GRID1: variants seen among roughly 807,000 people sequenced by gnomAD.
GRID1 encodes the protein glutamate ionotropic receptor delta type subunit 1.
In GRID1, 28 loss-of-function variants were observed where a neutral mutation model predicts 98.0. The ratio of observed to expected loss-of-function variants is 0.29; its 90% CI spans 0.21 to 0.39. The LOEUF is 0.39. Among genes scored for constraint, GRID1 ranks in the 10% least tolerant of loss-of-function variants. The pLI is 1.00. For missense variants in GRID1, 1,111 were observed against 1,340.5 expected (o/e 0.83, Z 2.67); for synonymous variants, 553 against 538.5 (o/e 1.03, Z -0.37).
chr10:86,253,859 C>T (rs773593643), intron 2 of GRID1, among the ~76,000 whole-genome samples: 9 of 152,122 alleles, frequency 5.9e-5, no homozygotes, highest in Non-Finnish European at 1.0e-4. Context: ...CACTTGACAC[C>T]GACCCTCACA....
At chr10:86,194,293 C>A (rs1477393729) in intron 3 of GRID1, among the ~76,000 whole-genome samples, 1 of 152,082 alleles carries the variant, frequency 6.6e-6, no homozygotes, top group Non-Finnish European at 1.5e-5. Context: ...CCACCTGAAT[C>A]AAGACATGGA....
intron 4 of GRID1, among the ~76,000 whole-genome samples, chr10:85,960,719 C>G (rs975069651): frequency 6.6e-6 from 1 of 152,204 alleles, no homozygotes; most frequent in African/African-American, 2.4e-5. Flanking sequence ...GGCGAACAAC[C>G]AAATGAATGA....
intron 6 of GRID1, among the ~76,000 whole-genome samples, chr10:85,859,292 G>A (rs1182807783): frequency 6.6e-6 from 1 of 152,204 alleles, no homozygotes; most frequent in East Asian, 1.9e-4. Context: ...TGGAAGGATA[G>A]ATGAGTGTGT....
Position 85,916,067 on chromosome 10 carries a change from GC to G in GRID1, c.780+118del. ...TGAGTTTTTGCCTGGGCTAGGTGGAGCCCCAGGATTCACAACAGCCCCCTAA... is the reference window on the plus strand; with the variant it reads ...TGAGTTTTTGCCTGGGCTAGGTGGAGCCCAGGATTCACAACAGCCCCCTAA... On this transcript the variant is annotated intron_variant, in intron 5 of 15. Coordinates refer to ENST00000327946, the MANE Select transcript of GRID1 (RefSeq NM_017551.3). This position sits in a 1 kb window ranked among gnomAD's most constrained non-coding sequence, Gnocchi z 4.0. The G allele has an allele frequency of 6.4e-6, 5 of 780,718 alleles. No homozygotes were observed. The highest frequency in any genetic ancestry group is 1.1e-5 in the Non-Finnish European group (5 of 460,894). 48.4% of individuals were successfully genotyped at this position (780,718 alleles called of 1,614,324 possible). A position where few individuals can be genotyped will look rare whatever the true frequency, so the allele number is the denominator to read the frequency against.
At chr10:85,782,526 T>C (rs1462471073) in intron 8 of GRID1, among the ~76,000 whole-genome samples, 2 of 152,242 alleles carry the variant, frequency 1.3e-5, no homozygotes, top group Non-Finnish European at 2.9e-5. Context: ...ACAGGTGTTA[T>C]ATGGGATGAG....
In GRID1 at chr10:86,222,826, C is replaced by T. The variant is rs577229220; in HGVS notation, c.236-16178G>A. On this transcript the variant is annotated intron_variant, in intron 2 of 15. Transcript: ENST00000327946. ...CTGAAGGGGGGCAGGGCACCCCCTT[C>T]CTCACCACAACACCAAGCCACAAGG... 3.4e-4 allele frequency among the ~76,000 whole-genome samples: 52 copies of T among 152,244 alleles called. No individual in the cohort carries two copies. In the South Asian group the frequency reaches 8.9e-3, roughly 26 times the overall value.
chr10:85,848,585 CTATG>C (rs1843028442), intron 8 of GRID1, among the ~76,000 whole-genome samples: 1 of 152,040 alleles, frequency 6.6e-6, no homozygotes, highest in Admixed American at 6.5e-5. Flanking sequence ...ATCATGATCT[CTATG>C]TATGAAGGGA....
At chr10:86,216,447 T>C (rs1846178267) in intron 2 of GRID1, among the ~76,000 whole-genome samples, 1 of 152,176 alleles carries the variant, frequency 6.6e-6, no homozygotes, top group South Asian at 2.1e-4. Flanking sequence ...AATGAGGCAA[T>C]GGAAAATTCT....
chr10:85,967,831 G>A (rs1302003365), intron 4 of GRID1, among the ~76,000 whole-genome samples: 1 of 152,198 alleles, frequency 6.6e-6, no homozygotes, highest in Non-Finnish European at 1.5e-5. Flanking sequence ...CTTCTCAGCA[G>A]AGACCATGGT....
chr10:86,092,143 T>A (rs1844159222), intron 4 of GRID1, among the ~76,000 whole-genome samples: 1 of 152,088 alleles, frequency 6.6e-6, no homozygotes. Flanking sequence ...AAATCCCAGA[T>A]TTACCTGAAA....
intron 8 of GRID1, among the ~76,000 whole-genome samples, chr10:85,812,390 T>C (rs1238783592): frequency 6.6e-6 from 1 of 152,146 alleles, no homozygotes; most frequent in Non-Finnish European, 1.5e-5. Flanking sequence ...CTTGATAACC[T>C]GTGGAAATGT....
intron 4 of GRID1, among the ~76,000 whole-genome samples, chr10:86,075,549 C>T (rs538269585): frequency 6.6e-6 from 1 of 152,316 alleles, no homozygotes; most frequent in Admixed American, 6.5e-5. Context: ...TGATACATGT[C>T]TGTTGCATAA....
intron 12 of GRID1, among the ~76,000 whole-genome samples, chr10:85,677,935 C>T (rs549391147): frequency 2.8e-4 from 42 of 152,116 alleles, no homozygotes; most frequent in African/African-American, 9.9e-4. Context: ...AGACATGGTG[C>T]CAGAAACGCC....
chr10:86,180,366 T>A (rs1845638093), intron 3 of GRID1, among the ~76,000 whole-genome samples: 1 of 152,122 alleles, frequency 6.6e-6, no homozygotes, highest in East Asian at 1.9e-4. Flanking sequence ...TGGGCAGGTG[T>A]GACAGTCCTA....
chr10:85,935,964 C>A (rs987693749), intron 4 of GRID1, among the ~76,000 whole-genome samples: 1 of 152,168 alleles, frequency 6.6e-6, no homozygotes, highest in Non-Finnish European at 1.5e-5. Flanking sequence ...CTACTATGTG[C>A]CAGAGCCAGT....
In GRID1 at chr10:86,329,295, G is replaced by A. The variant is rs536063365; in HGVS notation, c.235+34646C>T. 3.3e-3 allele frequency among the ~76,000 whole-genome samples: 499 copies of A among 152,346 alleles called. 1 individual carries two copies. The highest frequency in any genetic ancestry group is 5.7e-3 in the Admixed American group (87 of 15,308). On this transcript the variant is annotated intron_variant, in intron 2 of 15. Coordinates refer to ENST00000327946, the MANE Select transcript of GRID1 (RefSeq NM_017551.3). The stretch of plus-strand genomic sequence containing the variant: ...TTGGCCAGGCTGCCTCTCCCCAGCT[G>A]TCATACCATGGGCCCTCCTCTAGGG...
At chr10:86,106,971 G>A (rs535877699) in intron 4 of GRID1, among the ~76,000 whole-genome samples, 2 of 152,300 alleles carry the variant, frequency 1.3e-5, no homozygotes, top group South Asian at 4.1e-4. Flanking sequence ...TAGATCAGAA[G>A]CCTAGATGGG....
chr10:86,337,047 T>G (rs1329023291), intron 2 of GRID1, among the ~76,000 whole-genome samples: 4 of 151,934 alleles, frequency 2.6e-5, no homozygotes, highest in Admixed American at 6.5e-5. Context: ...GAGGCGGGGT[T>G]TCACCGTGTT....
chr10:86,316,057 G>A (rs1163075468), intron 2 of GRID1, among the ~76,000 whole-genome samples: 1 of 152,122 alleles, frequency 6.6e-6, no homozygotes, highest in Non-Finnish European at 1.5e-5. Context: ...CCACTTTGAT[G>A]AGACAGAGCA....
Sources: allele counts gnomAD v4.1 joint callset (sites outside exome capture counted in the v4.1 genomes callset), GRCh38; gene constraint gnomAD v4.1.1; non-coding constraint Gnocchi (gnomAD v3.1); transcripts MANE v1.5; gene names NCBI Gene and HGNC (gene_info 2026-07-23, HGNC 2026-07-21).